Variants in ABCA13 observed in about 807,000 individuals in gnomAD.
The protein encoded by ABCA13 is ATP-binding cassette sub-family A member 13.
A neutral mutation model predicts 478.7 loss-of-function variants in ABCA13; 476 were observed. That is an observed-to-expected ratio of 0.99 (90% CI 0.92 to 1.07). The LOEUF (loss-of-function observed/expected upper bound fraction) is 1.07, where lower values mean the gene tolerates loss of function less well. ABCA13 is among the 50% of genes least tolerant of loss of function. The pLI is 0.00. For synonymous variants in ABCA13, 2,252 were observed against 2,158.9 expected, an observed-to-expected ratio of 1.04 and a Z score of -1.20; for missense variants, 6,060 against 5,910.6, an observed-to-expected ratio of 1.03 and a Z score of -0.83.
At chr7:48,186,321 C>T (rs1234567723) in intron 1 of ABCA13, among the ~76,000 whole-genome samples, 2 of 152,034 alleles carry the variant, frequency 1.3e-5, no homozygotes, top group Non-Finnish European at 2.9e-5. Flanking sequence ...TCTGGGTATA[C>T]AATTCTAGAT....
At chr7:48,189,091 C>A (rs904229269) in intron 1 of ABCA13, among the ~76,000 whole-genome samples, 1 of 152,098 alleles carries the variant, frequency 6.6e-6, no homozygotes, top group Non-Finnish European at 1.5e-5. Context: ...TCTGTGCCAG[C>A]GCATTTGGAC....
At position 48,520,203 on chromosome 7, in the gene ABCA13, C is replaced by A. The variant is rs752556472; in HGVS notation, c.13960C>A (p.Leu4654Met). Residue 4654 changes from leucine to methionine, a missense_variant, in exon 53 of 62, where the codon CTG (leucine) becomes ATG (methionine). Physicochemically the swap from Leu to Met is conservative, Grantham distance 15 (BLOSUM62 2). This residue lies in a region of ABCA13 where 1,627 missense variants were observed against 1,571.0 expected (regional missense o/e 1.04). Coordinates refer to ENST00000435803, the MANE Select transcript of ABCA13 (RefSeq NM_152701.5). ...TGTGAGTCCCTTTGAGATGAACTTT[C>A]TGGGCTGGATCTTCGTGCAACTGGC... is the stretch of plus-strand genomic sequence containing the variant. ...SYVSPFEMNFLGWIFVQLASQ... is the reference protein window; with the variant it reads ...SYVSPFEMNFMGWIFVQLASQ... The A allele has an allele frequency of 6.2e-7, 1 of 1,613,660 alleles. No individual in the cohort carries two copies. The highest frequency in any genetic ancestry group is 2.2e-5 in the East Asian group (1 of 44,790).
chr7:48,323,832 C>T (rs574605864), intron 27 of ABCA13, among the ~76,000 whole-genome samples: 22 of 152,162 alleles, frequency 1.4e-4, no homozygotes, highest in African/African-American at 3.4e-4. Flanking sequence ...ACTGAATCAC[C>T]GGGGCAGTTT....
intron 55 of ABCA13, among the ~76,000 whole-genome samples, chr7:48,554,664 A>G (rs1006254471): frequency 1.3e-5 from 2 of 151,560 alleles, no homozygotes; most frequent in Admixed American, 6.6e-5. Context: ...TGATTTTTGT[A>G]TGTTGATTTT....
intron 33 of ABCA13, among the ~76,000 whole-genome samples, chr7:48,373,533 G>A (rs934082786): frequency 6.6e-6 from 1 of 152,138 alleles, no homozygotes; most frequent in Admixed American, 6.5e-5. Context: ...TTATCTATTG[G>A]TATGTGTTCA....
Position 48,344,126 on chromosome 7 carries a change from T to A in ABCA13, c.10204+5671T>A, listed in dbSNP as rs77840349. 2.0e-5 allele frequency among the ~76,000 whole-genome samples: 3 copies of A among 152,328 alleles called. No homozygotes were observed. In the South Asian group the frequency reaches 6.2e-4, roughly 32 times the overall value. ...AGAAGTTATTGTGACTCAGTTCATA[T>A]CAGTAGTTCTCAACTGAGGATGATT... On this transcript the variant is annotated intron_variant, in intron 29 of 61. Coordinates refer to ENST00000435803, the MANE Select transcript of ABCA13 (RefSeq NM_152701.5).
chr7:48,180,736 C>T (rs1795581751), intron 1 of ABCA13, among the ~76,000 whole-genome samples: 1 of 152,020 alleles, frequency 6.6e-6, no homozygotes. Flanking sequence ...CGATGCTGGA[C>T]ATCTCTTAAT....
chr7:48,518,772 A>T (rs1214253846), intron 52 of ABCA13, among the ~76,000 whole-genome samples: 2 of 152,210 alleles, frequency 1.3e-5, no homozygotes, highest in Non-Finnish European at 2.9e-5. Flanking sequence ...AAACCAAAAA[A>T]GGTGACTGGA....
At chr7:48,329,415 A>G (rs1210360578) in intron 27 of ABCA13, among the ~76,000 whole-genome samples, 1 of 152,206 alleles carries the variant, frequency 6.6e-6, no homozygotes, top group Non-Finnish European at 1.5e-5. Context: ...ATAGGGCATT[A>G]TAATTGAGTG....
At chr7:48,616,484 G>A (rs1433409162) in intron 59 of ABCA13, among the ~76,000 whole-genome samples, 1 of 152,170 alleles carries the variant, frequency 6.6e-6, no homozygotes, top group Non-Finnish European at 1.5e-5. Context: ...GGTGATTTAT[G>A]TCTGATTTAT....
At chr7:48,616,718 A>G (rs1792612233) in intron 59 of ABCA13, among the ~76,000 whole-genome samples, 2 of 152,182 alleles carry the variant, frequency 1.3e-5, no homozygotes, top group African/African-American at 4.8e-5. Context: ...CAAACTTAAT[A>G]AAATTTAAAA....
chr7:48,504,140 A>AT (rs1381571548), intron 48 of ABCA13, among the ~76,000 whole-genome samples: 1 of 152,238 alleles, frequency 6.6e-6, no homozygotes, highest in African/African-American at 2.4e-5. Context: ...GACAGGAAGC[A>AT]TAAGCAAATG....
At chr7:48,283,279 G>A (rs1466072297) in intron 19 of ABCA13, among the ~76,000 whole-genome samples, 2 of 152,112 alleles carry the variant, frequency 1.3e-5, no homozygotes, top group African/African-American at 4.8e-5. Context: ...GGAGCGGTAT[G>A]GAGGAGAAAT....
chr7:48,433,477 A>G (rs1161994860), intron 42 of ABCA13, among the ~76,000 whole-genome samples: 1 of 149,114 alleles, frequency 6.7e-6, no homozygotes, highest in Non-Finnish European at 1.5e-5. Flanking sequence ...TTATATACAT[A>G]TATATTTATG....
At chr7:48,245,479 A>C in intron 11 of ABCA13, 33 bp from the exon 12 acceptor site, 1 of 1,549,988 alleles carries the variant, frequency 6.5e-7, no homozygotes, top group Non-Finnish European at 8.8e-7. Flanking sequence ...TACTTACCTT[A>C]GGTGAATAAT....
rs1304348239 is a variant in ABCA13, at chr7:48,239,352, G to C, written c.1009G>C (p.Glu337Gln). The change falls in exon 9 of 62, where the codon GAA becomes CAA. Residue 337 changes from glutamate to glutamine, a missense_variant. By Grantham distance (29) the Glu-to-Gln change is conservative. Transcript: ENST00000435803. ...HVGGCHPKWS[E>Q]AKNYLVHAVS... Reference sequence around the variant, plus strand: ...TGGAGGCTGCCACCCTAAGTGGTCAGAAGCCAAAAACTATCTTGTCCATGC... The same window carrying C: ...TGGAGGCTGCCACCCTAAGTGGTCACAAGCCAAAAACTATCTTGTCCATGC... 1 of 1,613,834 alleles carries C rather than the reference G, an allele frequency of 6.2e-7. No homozygotes were observed.
chr7:48,247,639 A>C (rs1251705703), intron 13 of ABCA13, among the ~76,000 whole-genome samples: 2 of 152,210 alleles, frequency 1.3e-5, no homozygotes, highest in East Asian at 3.9e-4. Context: ...TGAGGGCTGG[A>C]GTCTGGTTAG....
chr7:48,276,603 C>A (rs771662688), intron 17 of ABCA13, 38 bp downstream of exon 17: 2 of 1,520,342 alleles, frequency 1.3e-6, no homozygotes, highest in East Asian at 2.3e-5. Context: ...TATGCAGTTG[C>A]GATATATCTC....
chr7:48,441,654 G>T (rs1823606662), intron 42 of ABCA13, among the ~76,000 whole-genome samples: 2 of 152,194 alleles, frequency 1.3e-5, no homozygotes, highest in South Asian at 4.1e-4. Flanking sequence ...CATGGAGAAA[G>T]AAACTATTTA....
Sources: gnomAD v4.1 joint callset for allele counts (sites outside exome capture counted in the v4.1 genomes callset) on GRCh38, gnomAD v4.1.1 for gene constraint, gnomAD v4.1.1 regional missense constraint, MANE v1.5 for transcripts, NCBI Gene and HGNC (gene_info 2026-07-23, HGNC 2026-07-21) for gene names.